TNNI3K: variants seen among roughly 807,000 people sequenced by gnomAD.
TNNI3K encodes the protein serine/threonine-protein kinase TNNI3K.
In TNNI3K, 140 loss-of-function variants were observed where a neutral mutation model predicts 114.5. That is an observed-to-expected ratio of 1.22 (90% CI 1.07 to 1.41). The LOEUF (loss-of-function observed/expected upper bound fraction) is 1.41, where lower values mean the gene tolerates loss of function less well. TNNI3K is among the 40% of genes most tolerant of loss of function. The pLI, the probability that TNNI3K is intolerant of heterozygous loss-of-function variation, is 0.00. For synonymous variants in TNNI3K, 347 were observed against 347.5 expected, an observed-to-expected ratio of 1.00 and a Z score of 0.02; for missense variants, 1,125 against 1,007.6, an observed-to-expected ratio of 1.12 and a Z score of -1.58.
intron 7 of TNNI3K, among the ~76,000 whole-genome samples, chr1:74,340,712 G>T (rs1182092522): frequency 6.6e-6 from 1 of 152,160 alleles, no homozygotes; most frequent in African/African-American, 2.4e-5. Context: ...ATTCTGCTTT[G>T]CATTTTTCCT....
chr1:74,434,602 T>C (rs1299399753), intron 17 of TNNI3K, among the ~76,000 whole-genome samples: 1 of 151,594 alleles, frequency 6.6e-6, no homozygotes, highest in Non-Finnish European at 1.5e-5. Context: ...AATTTTCTTA[T>C]TGCATTTGAA....
At chr1:74,294,105 A>C (rs1657839556) in intron 5 of TNNI3K, among the ~76,000 whole-genome samples, 1 of 151,736 alleles carries the variant, frequency 6.6e-6, no homozygotes, top group Non-Finnish European at 1.5e-5. Flanking sequence ...TTTTTAATTT[A>C]CAAATAAAAA....
At chr1:74,302,943 C>T (rs1658415136) in intron 5 of TNNI3K, among the ~76,000 whole-genome samples, 2 of 152,124 alleles carry the variant, frequency 1.3e-5, no homozygotes, top group African/African-American at 2.4e-5. Flanking sequence ...AATAAGATGC[C>T]ATCCAGGACT....
At chr1:74,452,989 T>C (rs1301364947) in intron 20 of TNNI3K, among the ~76,000 whole-genome samples, 1 of 152,214 alleles carries the variant, frequency 6.6e-6, no homozygotes, top group African/African-American at 2.4e-5. Flanking sequence ...TCCAAAAATC[T>C]TTCTTAATTC....
At chr1:74,445,742 C>G (rs1666624034) in intron 20 of TNNI3K, among the ~76,000 whole-genome samples, 1 of 150,746 alleles carries the variant, frequency 6.6e-6, no homozygotes, top group Non-Finnish European at 1.5e-5. Context: ...TCCCAAGTAG[C>G]TGGGACTACA....
chr1:74,437,869 G>A (rs1429946199), intron 19 of TNNI3K, among the ~76,000 whole-genome samples: 2 of 151,714 alleles, frequency 1.3e-5, no homozygotes, highest in Non-Finnish European at 2.9e-5. Context: ...CTGATCTTGA[G>A]TTCCTGCATC....
intron 11 of TNNI3K, among the ~76,000 whole-genome samples, chr1:74,361,183 A>G (rs965596171): frequency 6.6e-6 from 1 of 152,076 alleles, no homozygotes; most frequent in Non-Finnish European, 1.5e-5. Context: ...TATGTTCTAA[A>G]GCTCCTCTTT....
At chr1:74,540,388 G>A (rs1490167417) in intron 24 of TNNI3K, 75 bp downstream of exon 24, 2 of 1,403,930 alleles carry the variant, frequency 1.4e-6, no homozygotes, top group Non-Finnish European at 2.0e-6. Flanking sequence ...CAAAAAGGGA[G>A]AAAGCATTGC....
At chr1:74,524,940 G>A (rs185512061) in intron 23 of TNNI3K, among the ~76,000 whole-genome samples, 195 of 152,280 alleles carry the variant, frequency 1.3e-3, no homozygotes, top group Non-Finnish European at 2.2e-3. Flanking sequence ...TTTGGGGCTG[G>A]AAAGAGAGGT....
chr1:74,507,148 A>G (rs1669945203), intron 23 of TNNI3K, among the ~76,000 whole-genome samples: 1 of 152,124 alleles, frequency 6.6e-6, no homozygotes, highest in African/African-American at 2.4e-5. Context: ...AGGCAAGCAC[A>G]ATCCAAGTTC....
At chr1:74,375,606 A>G (rs1309571844) in intron 17 of TNNI3K, 1 of 455,234 alleles carries the variant, frequency 2.2e-6, no homozygotes, top group Non-Finnish European at 4.4e-6. Flanking sequence ...CCAGACTGAT[A>G]AACTGGGTCA....
chr1:74,395,822 T>C (rs1366782163), intron 17 of TNNI3K, among the ~76,000 whole-genome samples: 1 of 151,964 alleles, frequency 6.6e-6, no homozygotes, highest in Non-Finnish European at 1.5e-5. Flanking sequence ...AAGAGGGAAC[T>C]GAAGAGACTC....
chr1:74,417,637 T>C (rs1371574634), intron 17 of TNNI3K, among the ~76,000 whole-genome samples: 1 of 151,532 alleles, frequency 6.6e-6, no homozygotes, highest in Non-Finnish European at 1.5e-5. Flanking sequence ...CTAACAGGGT[T>C]ACATGCTATG....
chr1:74,447,051 A>T (rs1448476524), intron 20 of TNNI3K, among the ~76,000 whole-genome samples: 2 of 146,662 alleles, frequency 1.4e-5, no homozygotes, highest in Middle Eastern at 6.3e-3. Flanking sequence ...TATGAACTTT[A>T]AAGTAGTTTT....
chr1:74,513,218 G>T (rs1042765584), intron 23 of TNNI3K, among the ~76,000 whole-genome samples: 1 of 152,154 alleles, frequency 6.6e-6, no homozygotes, highest in Non-Finnish European at 1.5e-5. Flanking sequence ...AGGTCCACGT[G>T]TGCTTTCCTA....
At chr1:74,259,997 G>A (rs1202290522) in intron 4 of TNNI3K, among the ~76,000 whole-genome samples, 1 of 151,994 alleles carries the variant, frequency 6.6e-6, no homozygotes, top group Non-Finnish European at 1.5e-5. Flanking sequence ...CATTTTTTAG[G>A]CCAAACAGTT....
intron 9 of TNNI3K, among the ~76,000 whole-genome samples, chr1:74,348,605 C>T (rs138951704): frequency 0.069 from 10,468 of 152,220 alleles, 495 homozygotes; most frequent in African/African-American, 0.12. Context: ...GCCATTTTCA[C>T]GACATTGATT....
intron 17 of TNNI3K, among the ~76,000 whole-genome samples, chr1:74,390,689 G>A (rs577414655): frequency 4.6e-5 from 7 of 152,206 alleles, no homozygotes; most frequent in Non-Finnish European, 8.8e-5. Flanking sequence ...TAGGGCAGGA[G>A]GAGACAGATA....
intron 4 of TNNI3K, among the ~76,000 whole-genome samples, chr1:74,251,299 G>C (rs1654910844): frequency 1.3e-5 from 2 of 152,096 alleles, no homozygotes; most frequent in Non-Finnish European, 2.9e-5. Flanking sequence ...TAGTGGATTG[G>C]ACAAACTGGG....
Sources: gnomAD v4.1 joint callset for allele counts (sites outside exome capture counted in the v4.1 genomes callset) on GRCh38, gnomAD v4.1.1 for gene constraint, MANE v1.5 for transcripts, NCBI Gene and HGNC (gene_info 2026-07-23, HGNC 2026-07-21) for gene names.